The following CLVS1 variants were observed in gnomAD, a reference collection of about 807,000 sequenced individuals.
CLVS1 encodes the protein clavesin 1, also known as clavesin-1.
A neutral mutation model predicts 33.1 loss-of-function variants in CLVS1; 10 were observed. The observed-to-expected ratio is 0.30, with a 90% CI of 0.19 to 0.51. The LOEUF is 0.51. Ranked by LOEUF, CLVS1 falls within the 20% of genes least tolerant of loss-of-function variation. The probability of loss-of-function intolerance (pLI) is 0.97; values close to 1 mark genes in which losing one functional copy is unlikely to be tolerated. For missense variants in CLVS1, 343 were observed against 433.4 expected (o/e 0.79, Z 1.85); for synonymous variants, 163 against 166.1 (o/e 0.98, Z 0.14).
intron 2 of CLVS1, among the ~76,000 whole-genome samples, chr8:61,254,106 T>C (rs2129591862): frequency 6.6e-6 from 1 of 152,342 alleles, no homozygotes. Context: ...TTGGTGTGGA[T>C]GTCCTTTCTG....
intron 2 of CLVS1, among the ~76,000 whole-genome samples, chr8:61,252,288 G>T (rs1808966561): frequency 6.6e-6 from 1 of 152,130 alleles, no homozygotes; most frequent in African/African-American, 2.4e-5. Context: ...GAGACTGTTT[G>T]TTATGATTTC....
intron 3 of CLVS1, among the ~76,000 whole-genome samples, chr8:61,407,145 A>T (rs752049763): frequency 2.6e-4 from 40 of 152,356 alleles, no homozygotes; most frequent in Admixed American, 8.5e-4. Flanking sequence ...TCATAGGCTG[A>T]GTGCTGGGCA....
intron 1 of CLVS1, among the ~76,000 whole-genome samples, chr8:61,091,143 C>G (rs1032944831): frequency 6.6e-6 from 1 of 152,134 alleles, no homozygotes; most frequent in Non-Finnish European, 1.5e-5. Context: ...CACAATGGTC[C>G]TTACAGGAGG....
At chr8:61,380,778 T>A (rs1198147515) in intron 3 of CLVS1, among the ~76,000 whole-genome samples, 1 of 152,212 alleles carries the variant, frequency 6.6e-6, no homozygotes, top group African/African-American at 2.4e-5. Flanking sequence ...CGTCTTGTTC[T>A]TGAGCTTTGT....
At chr8:61,082,451 G>T (rs1393996220) in intron 1 of CLVS1, among the ~76,000 whole-genome samples, 1 of 152,036 alleles carries the variant, frequency 6.6e-6, no homozygotes. Flanking sequence ...AGCTCAGAGA[G>T]CATGAATCAG....
At chr8:61,405,569 T>C (rs1171815482) in intron 3 of CLVS1, among the ~76,000 whole-genome samples, 1 of 152,148 alleles carries the variant, frequency 6.6e-6, no homozygotes, top group East Asian at 1.9e-4. Flanking sequence ...AGCTCAGAAG[T>C]TTGAGACCTG....
intron 2 of CLVS1, among the ~76,000 whole-genome samples, chr8:61,231,830 C>T (rs904633820): frequency 2.0e-4 from 30 of 152,166 alleles, no homozygotes; most frequent in African/African-American, 5.1e-4. Context: ...GGACCCATCC[C>T]TAGCAAGGAA....
chr8:61,456,688 A>T (rs1309361212), intron 4 of CLVS1, among the ~76,000 whole-genome samples: 1 of 151,986 alleles, frequency 6.6e-6, no homozygotes, highest in Non-Finnish European at 1.5e-5. Context: ...AGGCCGAGGC[A>T]TGCGGATCAC....
At chr8:61,176,233 A>T (rs779045306) in intron 2 of CLVS1, among the ~76,000 whole-genome samples, 2 of 152,078 alleles carry the variant, frequency 1.3e-5, no homozygotes, top group Non-Finnish European at 2.9e-5. Context: ...TTGCCCTCTT[A>T]TTGCTCTCAG....
At chr8:61,400,745 G>A (rs1315750055) in intron 3 of CLVS1, among the ~76,000 whole-genome samples, 1 of 152,266 alleles carries the variant, frequency 6.6e-6, no homozygotes, top group East Asian at 1.9e-4. Flanking sequence ...AACATGAAAC[G>A]ATGTTGAATT....
chr8:61,039,378 T>C, the CLVS1 span, among the ~76,000 whole-genome samples: 1 of 152,202 alleles, frequency 6.6e-6, no homozygotes, highest in African/African-American at 2.4e-5. Flanking sequence ...AAACACACTG[T>C]ACAGTCAAGC....
At chr8:61,312,684 C>T (rs1438174299) in intron 2 of CLVS1, among the ~76,000 whole-genome samples, 1 of 152,218 alleles carries the variant, frequency 6.6e-6, no homozygotes, top group East Asian at 1.9e-4. Context: ...CCTCCCTGAG[C>T]ATGTGGTTTC....
chr8:61,063,802 G>A (rs188041700), intron 1 of CLVS1, among the ~76,000 whole-genome samples: 5 of 152,122 alleles, frequency 3.3e-5, no homozygotes, highest in South Asian at 2.1e-4. Flanking sequence ...TTACAATGCC[G>A]CACAATCATC....
chr8:61,480,905 G>A (rs190464921), intron 5 of CLVS1, among the ~76,000 whole-genome samples: 1 of 152,236 alleles, frequency 6.6e-6, no homozygotes, highest in East Asian at 1.9e-4. Flanking sequence ...CTATTCTTGG[G>A]TAGTGTGATC....
chr8:61,397,359 C>G (rs186098087), intron 3 of CLVS1, among the ~76,000 whole-genome samples: 1 of 152,028 alleles, frequency 6.6e-6, no homozygotes. Flanking sequence ...TTTGGAGAAT[C>G]ATTTGTTCAA....
intron 2 of CLVS1, among the ~76,000 whole-genome samples, chr8:61,238,582 C>T (rs76131178): frequency 0.012 from 1,775 of 152,282 alleles, 16 homozygotes; most frequent in Middle Eastern, 0.034. Flanking sequence ...TTCTCTGCTT[C>T]TCAATTCAAG....
chr8:61,376,546 G>A (rs965901830), intron 2 of CLVS1, 59 bp from the exon 3 acceptor site: 8 of 1,535,506 alleles, frequency 5.2e-6, no homozygotes, highest in African/African-American at 2.7e-5. Context: ...ACTGTTGCAC[G>A]CAACATGCTA....
intron 2 of CLVS1, among the ~76,000 whole-genome samples, chr8:61,195,053 T>C (rs2129303576): frequency 6.6e-6 from 1 of 152,004 alleles, no homozygotes; most frequent in Non-Finnish European, 1.5e-5. Context: ...ACATGCGGGA[T>C]ACAGCTAAAG....
At chr8:61,471,549 C>G (rs1323002653) in intron 5 of CLVS1, among the ~76,000 whole-genome samples, 2 of 152,150 alleles carry the variant, frequency 1.3e-5, no homozygotes, top group African/African-American at 4.8e-5. Flanking sequence ...TGCATAGGGT[C>G]AATACAAGGC....
Sources: gnomAD v4.1 joint callset for allele counts (sites outside exome capture counted in the v4.1 genomes callset) on GRCh38, gnomAD v4.1.1 for gene constraint, MANE v1.5 for transcripts, NCBI Gene and HGNC (gene_info 2026-07-23, HGNC 2026-07-21) for gene names.